The following RFX4 variants were observed in gnomAD, a reference collection of about 807,000 sequenced individuals.
RFX4 encodes the protein regulatory factor X4, also known as transcription factor RFX4.
In RFX4, 10 loss-of-function variants were observed where a neutral mutation model predicts 95.0. That is an observed-to-expected ratio of 0.11 (90% CI 0.06 to 0.18). The LOEUF is 0.18. Among genes scored for constraint, RFX4 ranks in the 10% least tolerant of loss-of-function variants. The pLI, the probability that RFX4 is intolerant of heterozygous loss-of-function variation, is 1.00. For synonymous variants in RFX4, 321 were observed against 340.7 expected (o/e 0.94, Z 0.64); for missense variants, 640 against 922.0 (o/e 0.69, Z 3.96).
chr12:106,696,191 T>C (rs1268818164), intron 7 of RFX4, 92 bp from the exon 8 acceptor site: 1 of 1,440,622 alleles, frequency 6.9e-7, no homozygotes, highest in South Asian at 1.2e-5. Flanking sequence ...GATGACAGCA[T>C]TGTAGACTGG....
intron 2 of RFX4, among the ~76,000 whole-genome samples, chr12:106,638,151 G>A (rs1379050910): frequency 6.6e-6 from 1 of 151,844 alleles, no homozygotes; most frequent in Non-Finnish European, 1.5e-5. Context: ...GAGATTACAG[G>A]TGCATGCCAC....
chr12:106,583,269 T>C lies in RFX4; in HGVS notation c.-52T>C. ...CCCTGGGCATCTCTAGCACAGGGGA[T>C]CCCCAAACATCAGGACTTTTGGGGG... On this transcript the variant is annotated 5_prime_UTR_variant, in exon 1 of 18. Coordinates refer to ENST00000392842, the MANE Select transcript of RFX4 (RefSeq NM_213594.3). 6.6e-7 allele frequency: 1 copy of C among 1,514,726 alleles called. No individual in the cohort carries two copies. Among genetic ancestry groups the C allele is most frequent in the Non-Finnish European group, 8.9e-7 (1 of 1,125,188 alleles). 93.8% of individuals were successfully genotyped at this position (1,514,726 alleles called of 1,614,324 possible). A position where few individuals can be genotyped will look rare whatever the true frequency, so the allele number is the denominator to read the frequency against.
chr12:106,636,390 C>CAAAAAAA (rs34305367), intron 2 of RFX4, among the ~76,000 whole-genome samples: 5 of 76,864 alleles, frequency 6.5e-5, no homozygotes, highest in South Asian at 4.1e-4. Flanking sequence ...AACTCTGTCT[C>CAAAAAAA]AAAAAAAAAA....
At chr12:106,632,830 T>C (rs185131730) in intron 2 of RFX4, among the ~76,000 whole-genome samples, 21 of 152,090 alleles carry the variant, frequency 1.4e-4, no homozygotes, top group Admixed American at 8.5e-4. Context: ...TACAGGTGCA[T>C]GCCACCGTAT....
chr12:106,588,953 A>C (rs1012895889), intron 1 of RFX4, among the ~76,000 whole-genome samples: 1 of 152,154 alleles, frequency 6.6e-6, no homozygotes, highest in Non-Finnish European at 1.5e-5. Context: ...TAAAGTGGTG[A>C]CATCACAAGT....
chr12:106,707,602 A>G (rs186941897), intron 8 of RFX4, among the ~76,000 whole-genome samples: 30 of 152,210 alleles, frequency 2.0e-4, no homozygotes, highest in Admixed American at 1.9e-3. Context: ...GAGAAACATG[A>G]CAAGTCCACT....
intron 3 of RFX4, among the ~76,000 whole-genome samples, chr12:106,643,566 T>A (rs2040680507): frequency 6.6e-6 from 1 of 152,062 alleles, no homozygotes; most frequent in African/African-American, 2.4e-5. Flanking sequence ...CAAAAGAGAG[T>A]GGATGCACCC....
chr12:106,635,136 C>A (rs557014787), intron 2 of RFX4, among the ~76,000 whole-genome samples: 1 of 152,228 alleles, frequency 6.6e-6, no homozygotes, highest in Non-Finnish European at 1.5e-5. Context: ...TAGGATTATT[C>A]GAATCTAGGT....
At chr12:106,712,495 G>T (rs147591848) in intron 10 of RFX4, among the ~76,000 whole-genome samples, 19 of 152,232 alleles carry the variant, frequency 1.2e-4, no homozygotes, top group African/African-American at 4.6e-4. Context: ...GGTGCTGTTG[G>T]TTCTGGGTGG....
At chr12:106,715,329 G>T (rs1358719706) in intron 10 of RFX4, 71 bp from the exon 11 acceptor site, 1 of 1,534,012 alleles carries the variant, frequency 6.5e-7, no homozygotes, top group African/African-American at 1.4e-5. Context: ...CATTAACAAG[G>T]CATAAAAGGA....
At chr12:106,613,773 G>A (rs1192802297) in intron 2 of RFX4, among the ~76,000 whole-genome samples, 1 of 152,152 alleles carries the variant, frequency 6.6e-6, no homozygotes, top group Admixed American at 6.5e-5. Flanking sequence ...ATTCGAATAT[G>A]TTCCCTCCTC....
chr12:106,713,200 A>G (rs1158948776), intron 10 of RFX4, among the ~76,000 whole-genome samples: 1 of 152,180 alleles, frequency 6.6e-6, no homozygotes, highest in African/African-American at 2.4e-5. Context: ...ACAGCAAGTC[A>G]GACTAAACAA....
At chr12:106,600,553 A>G (rs1417442224) in intron 1 of RFX4, among the ~76,000 whole-genome samples, 1 of 152,168 alleles carries the variant, frequency 6.6e-6, no homozygotes, top group Non-Finnish European at 1.5e-5. Flanking sequence ...ATAGTTGCCA[A>G]ATGCAGACAG....
intron 3 of RFX4, among the ~76,000 whole-genome samples, chr12:106,646,924 G>A (rs1033079940): frequency 3.9e-5 from 6 of 152,184 alleles, no homozygotes; most frequent in Middle Eastern, 3.2e-3. Context: ...TGATTGGCTC[G>A]TCTACTTGGC....
intron 8 of RFX4, among the ~76,000 whole-genome samples, chr12:106,696,659 T>C (rs940286243): frequency 6.6e-6 from 1 of 152,086 alleles, no homozygotes; most frequent in Non-Finnish European, 1.5e-5. Flanking sequence ...AATTCAAAGG[T>C]ATAAGATGGT....
At chr12:106,606,488 G>GAAAAGAACT (rs1353080663) in intron 1 of RFX4, among the ~76,000 whole-genome samples, 1 of 152,204 alleles carries the variant, frequency 6.6e-6, no homozygotes, top group Admixed American at 6.5e-5. Context: ...GGAGAATCCT[G>GAAAAGAACT]AAAAGAACTC....
At chr12:106,693,346 C>T (rs1384462734) in intron 7 of RFX4, among the ~76,000 whole-genome samples, 1 of 152,212 alleles carries the variant, frequency 6.6e-6, no homozygotes, top group African/African-American at 2.4e-5. Flanking sequence ...AGGCTTCAAA[C>T]AGACAGATGC....
At chr12:106,703,018 A>C (rs944194698) in intron 8 of RFX4, among the ~76,000 whole-genome samples, 3 of 152,180 alleles carry the variant, frequency 2.0e-5, no homozygotes, top group African/African-American at 7.2e-5. Flanking sequence ...TGTCATTCCA[A>C]GAGTTCTATA....
intron 16 of RFX4, among the ~76,000 whole-genome samples, chr12:106,749,083 CAAAAA>C (rs35924676): frequency 9.5e-6 from 1 of 104,766 alleles, no homozygotes; most frequent in African/African-American, 3.7e-5. Flanking sequence ...GACTTCATCT[CAAAAA>C]AAAAAAAAAA....
Sources: gnomAD v4.1 joint callset for allele counts (sites outside exome capture counted in the v4.1 genomes callset) on GRCh38, gnomAD v4.1.1 for gene constraint, MANE v1.5 for transcripts, NCBI Gene and HGNC (gene_info 2026-07-23, HGNC 2026-07-21) for gene names.